The following ZRANB3 variants were observed in gnomAD, a reference collection of about 807,000 sequenced individuals.
The protein encoded by ZRANB3 is zinc finger RANBP2-type containing 3.
In ZRANB3, 125 loss-of-function variants were observed where a neutral mutation model predicts 133.8. The observed-to-expected ratio is 0.93, with a 90% confidence interval of 0.81 to 1.08. The LOEUF is 1.08. Among genes scored for constraint, ZRANB3 ranks in the 50% least tolerant of loss-of-function variants. ZRANB3 has a pLI of 0.00. For missense variants in ZRANB3, 1,229 were observed against 1,275.5 expected, an observed-to-expected ratio of 0.96 and a Z score of 0.56; for synonymous variants, 387 against 432.7, an observed-to-expected ratio of 0.89 and a Z score of 1.31.
intron 17 of ZRANB3, among the ~76,000 whole-genome samples, chr2:135,211,526 T>C (rs1694095625): frequency 6.6e-6 from 1 of 152,094 alleles, no homozygotes; most frequent in Admixed American, 6.6e-5. Context: ...GAGCAACAGA[T>C]TGAGACCCTG....
At chr2:135,296,635 CT>C (rs1342008469) in intron 8 of ZRANB3, among the ~76,000 whole-genome samples, 1 of 152,160 alleles carries the variant, frequency 6.6e-6, no homozygotes, top group Non-Finnish European at 1.5e-5. Context: ...AGCTGCGTTC[CT>C]TTGGAGGAGG....
At position 135,482,478 on chromosome 2, in the gene ZRANB3, CTT is replaced by C. The variant is rs777958946; in HGVS notation, c.161+21849_161+21850del. On this transcript the variant is annotated intron_variant, in intron 2 of 20. Transcript: ENST00000264159. ...TGTACATTGATTTTGTATCCTGAGA[CTT>C]TGCTGAAGTTGCTTATCAGCTTAAG... Among the ~76,000 whole-genome samples the C allele has an allele frequency of 1.0e-4, 15 of 149,828 alleles. No homozygotes were observed. The East Asian group carries it at 2.7e-3, about 27-fold the overall frequency.
intron 8 of ZRANB3, among the ~76,000 whole-genome samples, chr2:135,292,361 T>A (rs930331633): frequency 3.9e-5 from 6 of 152,206 alleles, no homozygotes; most frequent in Admixed American, 3.3e-4. Flanking sequence ...GATGAGCATT[T>A]TTTCATGTGT....
chr2:135,355,340 G>C (rs1181653878), intron 3 of ZRANB3: 8 of 633,834 alleles, frequency 1.3e-5, no homozygotes, highest in Non-Finnish European at 9.8e-6. Flanking sequence ...CAATACAGCA[G>C]AACTTTAACA....
At chr2:135,403,112 C>T (rs186564130) in intron 2 of ZRANB3, among the ~76,000 whole-genome samples, 50 of 152,186 alleles carry the variant, frequency 3.3e-4, no homozygotes, top group African/African-American at 1.1e-3. Flanking sequence ...GGGTGCAGGA[C>T]AGTAGGTGCA....
Position 135,265,594 on chromosome 2 carries a change from A to G in ZRANB3, c.1479T>C (p.Ala493=). 1.2e-6 allele frequency: 2 copies of G among 1,613,708 alleles called. No individual in the cohort carries two copies. Among genetic ancestry groups the G allele is most frequent in the Non-Finnish European group, 1.7e-6 (2 of 1,179,760 alleles). Residue 493 remains alanine (A), a synonymous_variant, in exon 12 of 21, where the codon GCT becomes GCC. Transcript: ENST00000264159. ...DKEKWDFLQF[A]EAWTPNDSSE... ...AACTGTCATTTGGAGTCCAAGCTTC[A>G]GCAAACTGCAGGAAATCCCATTTTT...
At chr2:135,316,224 C>T (rs1344834658) in intron 6 of ZRANB3, among the ~76,000 whole-genome samples, 1 of 152,162 alleles carries the variant, frequency 6.6e-6, no homozygotes, top group South Asian at 2.1e-4. Context: ...GAAGCGATAA[C>T]TTAAACTGCT....
In ZRANB3 at chr2:135,381,698, G is replaced by T. The variant is rs565698564; in HGVS notation, c.180+9104C>A. ...CATTTGCTGTTCACCAATATCCACT[G>T]TTCTGCAGACTCCGCTGGTGATACC... On this transcript the variant is annotated intron_variant, in intron 3 of 20. Coordinates refer to ENST00000264159, the MANE Select transcript of ZRANB3 (RefSeq NM_032143.4). Among the ~76,000 whole-genome samples, 6 of 152,302 alleles carry T rather than the reference G, an allele frequency of 3.9e-5. No individual in the cohort carries two copies. The South Asian group carries it at 1.2e-3, about 32-fold the overall frequency.
chr2:135,262,584 C>T (rs1680016667), intron 12 of ZRANB3, among the ~76,000 whole-genome samples: 1 of 151,876 alleles, frequency 6.6e-6, no homozygotes, highest in Non-Finnish European at 1.5e-5. Context: ...AAGTTTGAGA[C>T]CAGCCTGAGC....
At chr2:135,516,258 A>G (rs1441091035) in intron 1 of ZRANB3, among the ~76,000 whole-genome samples, 2 of 151,696 alleles carry the variant, frequency 1.3e-5, no homozygotes, top group Non-Finnish European at 2.9e-5. Context: ...GTGTCTTTCA[A>G]TTGGGGCATT....
intron 8 of ZRANB3, among the ~76,000 whole-genome samples, chr2:135,278,211 T>C (rs1381710456): frequency 6.6e-6 from 1 of 152,122 alleles, no homozygotes; most frequent in Non-Finnish European, 1.5e-5. Flanking sequence ...AAAGAAATGA[T>C]TCTATAAGCT....
At chr2:135,414,357 A>C (rs532319495) in intron 2 of ZRANB3, among the ~76,000 whole-genome samples, 9 of 152,310 alleles carry the variant, frequency 5.9e-5, no homozygotes, top group Non-Finnish European at 1.2e-4. Flanking sequence ...GAGACAAAGA[A>C]GGCCATTACA....
intron 2 of ZRANB3, among the ~76,000 whole-genome samples, chr2:135,497,448 C>G (rs1012798650): frequency 1.3e-5 from 2 of 152,130 alleles, no homozygotes; most frequent in Admixed American, 1.3e-4. Context: ...ATGGTAGGCA[C>G]TAAACATGTA....
At chr2:135,239,098 G>T (rs1695436605) in intron 12 of ZRANB3, among the ~76,000 whole-genome samples, 1 of 152,116 alleles carries the variant, frequency 6.6e-6, no homozygotes, top group South Asian at 2.1e-4. Flanking sequence ...AACTAAGACA[G>T]ACCCTGTAGA....
chr2:135,476,700 T>TC (rs1302344495), intron 2 of ZRANB3, among the ~76,000 whole-genome samples: 1 of 151,240 alleles, frequency 6.6e-6, no homozygotes, highest in Non-Finnish European at 1.5e-5. Context: ...CCTTTTTTTT[T>TC]TTTTTTTTCT....
At chr2:135,523,136 A>T (rs1318793543) in intron 1 of ZRANB3, among the ~76,000 whole-genome samples, 1 of 152,160 alleles carries the variant, frequency 6.6e-6, no homozygotes, top group Non-Finnish European at 1.5e-5. Context: ...AGTCTCAGTA[A>T]ATAGTACAAC....
chr2:135,515,589 C>T (rs570546656), intron 1 of ZRANB3, among the ~76,000 whole-genome samples: 17 of 152,132 alleles, frequency 1.1e-4, no homozygotes, highest in South Asian at 4.2e-4. Flanking sequence ...TGTAGTTGTG[C>T]GGTTTTGAGT....
intron 8 of ZRANB3, among the ~76,000 whole-genome samples, chr2:135,310,290 T>G (rs1052388723): frequency 6.6e-6 from 1 of 152,160 alleles, no homozygotes; most frequent in African/African-American, 2.4e-5. Flanking sequence ...ATAAGGCTGA[T>G]GAATAGACCA....
intron 18 of ZRANB3, 98 bp from the exon 19 acceptor site, chr2:135,207,934 A>C: frequency 2.6e-6 from 3 of 1,165,452 alleles, no homozygotes; most frequent in Non-Finnish European, 3.5e-6. Flanking sequence ...ATACGGATAA[A>C]TAGTAAACAC....
Sources: allele counts gnomAD v4.1 joint callset (sites outside exome capture counted in the v4.1 genomes callset), GRCh38; gene constraint gnomAD v4.1.1; transcripts MANE v1.5; gene names NCBI Gene and HGNC (gene_info 2026-07-23, HGNC 2026-07-21).